The following RNASEH1 variants were observed in gnomAD, a reference collection of about 807,000 sequenced individuals.
The protein encoded by RNASEH1 is ribonuclease H1.
In RNASEH1, 27 loss-of-function variants were observed where a neutral mutation model predicts 34.6. The observed-to-expected ratio is 0.78, with a 90% confidence interval of 0.58 to 1.08. RNASEH1 has a LOEUF of 1.08. Among genes scored for constraint, RNASEH1 ranks in the 50% least tolerant of loss-of-function variants. The pLI, the probability that RNASEH1 is intolerant of heterozygous loss-of-function variation, is 0.00. For synonymous variants in RNASEH1, 162 were observed against 138.4 expected (o/e 1.17, Z -1.20); for missense variants, 349 against 373.6 (o/e 0.93, Z 0.54).
chr2:3,538,970 T>G (rs916189541), downstream of RNASEH1, among the ~76,000 whole-genome samples: 1 of 152,226 alleles, frequency 6.6e-6, no homozygotes, highest in Non-Finnish European at 1.5e-5. Context: ...GCCGAGCATC[T>G]TTTCATTCCT....
chr2:3,541,366 A>T (rs1396676065), downstream of RNASEH1, among the ~76,000 whole-genome samples: 2 of 152,012 alleles, frequency 1.3e-5, no homozygotes, highest in African/African-American at 4.8e-5. Context: ...CACACCTGCC[A>T]TATGACCAAG....
chr2:3,546,782 A>T (rs34862751), intron 7 of RNASEH1, among the ~76,000 whole-genome samples: 89,893 of 152,110 alleles, frequency 0.59, 27,570 homozygotes, highest in African/African-American at 0.77. Context: ...AAACAATAAA[A>T]AAAAGTTTGA....
intron 7 of RNASEH1, among the ~76,000 whole-genome samples, chr2:3,547,181 T>G (rs1392197835): frequency 6.6e-6 from 1 of 152,044 alleles, no homozygotes; most frequent in Non-Finnish European, 1.5e-5. Context: ...GTGGGTGGGT[T>G]TGTTTTGTTT....
chr2:3,558,268 T>G lies in RNASEH1; in HGVS notation c.-8A>C. 2 of 1,563,074 alleles carry G rather than the reference T, an allele frequency of 1.3e-6. No individual in the cohort carries two copies. Among genetic ancestry groups the G allele is most frequent in the Non-Finnish European group, 1.7e-6 (2 of 1,158,378 alleles). On this transcript the variant is annotated 5_prime_UTR_variant, in exon 1 of 8. Coordinates refer to ENST00000315212, the MANE Select transcript of RNASEH1 (RefSeq NM_002936.6). ...GAACAGAAGCCAGCTCATCGCTCAC[T>G]CCCGGCACCGGGAAGCATTTCGACT...
chr2:3,554,647 C>T (rs1298077963), intron 2 of RNASEH1, among the ~76,000 whole-genome samples: 1 of 152,184 alleles, frequency 6.6e-6, no homozygotes, highest in Non-Finnish European at 1.5e-5. Flanking sequence ...TTCAAAAGAA[C>T]TAGCTTGCTT....
At chr2:3,538,742 A>T (rs977455438), downstream of RNASEH1, among the ~76,000 whole-genome samples, 2 of 152,176 alleles carry the variant, frequency 1.3e-5, no homozygotes, top group African/African-American at 4.8e-5. Context: ...ACAGCATACA[A>T]TCTGCAGAGT....
intron 4 of RNASEH1, among the ~76,000 whole-genome samples, chr2:3,549,941 G>A (rs1281215567): frequency 3.4e-4 from 48 of 142,748 alleles, no homozygotes; most frequent in Non-Finnish European, 6.6e-4. Flanking sequence ...GTGAGACTCC[G>A]TCTCAGGAAA....
chr2:3,557,753 A>T, intron 1 of RNASEH1: 1 of 689,038 alleles, frequency 1.5e-6, no homozygotes, highest in Non-Finnish European at 2.4e-6. Context: ...AAGATTAGGT[A>T]CTGAGTTCCA....
intron 2 of RNASEH1, among the ~76,000 whole-genome samples, chr2:3,554,286 T>C (rs1171435973): frequency 6.6e-6 from 1 of 152,218 alleles, no homozygotes; most frequent in Non-Finnish European, 1.5e-5. Context: ...TAAAGTGTCA[T>C]TTTGTAGAAC....
chr2:3,533,605 A>G, the RNASEH1 span: 4 of 152,216 alleles, frequency 2.6e-5, no homozygotes, highest in African/African-American at 9.7e-5. Flanking sequence ...AGGTGTCACT[A>G]AGAAAGTGCC....
At chr2:3,550,256 C>A (rs566928157) in intron 4 of RNASEH1, 117 bp downstream of exon 4, 2 of 874,438 alleles carry the variant, frequency 2.3e-6, no homozygotes, top group South Asian at 2.7e-5. Flanking sequence ...TCTGCCACCC[C>A]TGCCAGAGCT....
chr2:3,550,430 T>C lies in RNASEH1; in HGVS notation c.452A>G (p.Asn151Ser). 4 of 1,614,124 alleles carry C rather than the reference T, an allele frequency of 2.5e-6. No individual in the cohort carries two copies. The highest frequency in any genetic ancestry group is 1.1e-5 in the South Asian group (1 of 91,080). Residue 151 changes from asparagine (N) to serine (S), a missense_variant, in exon 4 of 8, where the codon AAT becomes AGT. This residue lies in a region of RNASEH1 where 256 missense variants were observed against 240.7 expected (regional missense o/e 1.06). Transcript: ENST00000315212. ...VVYTDGCCSS[N>S]GRRRPRAGIG... ...TCCTGCTCGCGGCCTTCTACGCCCA[T>C]TACTGGAGCAGCAGCCATCAGTGTA...
At chr2:3,548,808 A>G (rs1669005663) in intron 5 of RNASEH1, 84 bp from the exon 6 acceptor site, 14 of 957,188 alleles carry the variant, frequency 1.5e-5, no homozygotes, top group Non-Finnish European at 2.4e-5. Flanking sequence ...CGAAATTGAA[A>G]CATCCCCTCT....
At chr2:3,550,740 AAAC>A (rs1272311171) in intron 3 of RNASEH1, among the ~76,000 whole-genome samples, 7 of 152,160 alleles carry the variant, frequency 4.6e-5, no homozygotes, top group Non-Finnish European at 7.3e-5. Flanking sequence ...GCTGCAGTAA[AAAC>A]TACTGTTCAC....
chr2:3,536,051 G>A, the RNASEH1 span, among the ~76,000 whole-genome samples: 20 of 152,246 alleles, frequency 1.3e-4, no homozygotes, highest in African/African-American at 3.9e-4. Context: ...CAGGGCGGTC[G>A]TGTGCTGCTC....
In RNASEH1 at chr2:3,551,949, A is replaced by G. The variant is rs13399327; in HGVS notation, c.409+195T>C. Among the ~76,000 whole-genome samples, 28,967 of 152,198 alleles carry G rather than the reference A, an allele frequency of 0.19. 2,996 individuals carry two copies. Among genetic ancestry groups the G allele is most frequent in the African/African-American group, 0.27 (11,381 of 41,516 alleles). On this transcript the variant is annotated intron_variant, in intron 3 of 7. Transcript: ENST00000315212. ...TTCATTTACATGTAAGGGTTTTCCT[A>G]AGAACATCCAAAAGTTTAATTCTGC...
chr2:3,540,865 T>TC (rs1397665939), downstream of RNASEH1, among the ~76,000 whole-genome samples: 3 of 151,896 alleles, frequency 2.0e-5, no homozygotes, highest in South Asian at 6.2e-4. Context: ...TCTTCTCAAA[T>TC]CCCCACCTAA....
intron 2 of RNASEH1, 27 bp downstream of exon 2, chr2:3,556,762 T>C: frequency 1.3e-6 from 2 of 1,489,658 alleles, no homozygotes; most frequent in Non-Finnish European, 1.9e-6. Flanking sequence ...TAGGTTAAAA[T>C]GTCACACTGA....
chr2:3,536,087 T>C, the RNASEH1 span, among the ~76,000 whole-genome samples: 2 of 152,196 alleles, frequency 1.3e-5, no homozygotes, highest in South Asian at 2.1e-4. Flanking sequence ...AAAAAGAACA[T>C]TGCCAGCAGA....
Sources: gnomAD v4.1 joint callset for allele counts (sites outside exome capture counted in the v4.1 genomes callset) on GRCh38, gnomAD v4.1.1 for gene constraint, gnomAD v4.1.1 regional missense constraint, MANE v1.5 for transcripts, NCBI Gene and HGNC (gene_info 2026-07-23, HGNC 2026-07-21) for gene names.